CD300C: variants seen among roughly 807,000 people sequenced by gnomAD.
CD300C encodes CD300c molecule.
CD300C carries 11 observed loss-of-function variants against 18.4 expected under a neutral mutation model. The observed-to-expected ratio is 0.60, with a 90% CI of 0.38 to 0.99. The LOEUF is 0.99. CD300C is among the 50% of genes least tolerant of loss of function. CD300C has a pLI of 0.01. For missense variants in CD300C, 277 were observed against 287.4 expected, an observed-to-expected ratio of 0.96 and a Z score of 0.26; for synonymous variants, 116 against 116.3, an observed-to-expected ratio of 1.00 and a Z score of 0.02.
At chr17:74,537,486 G>A (rs1265313643), downstream of CD300C, among the ~76,000 whole-genome samples, 1 of 151,972 alleles carries the variant, frequency 6.6e-6, no homozygotes, top group African/African-American at 2.4e-5. Context: ...AAATTTAGCC[G>A]GACATGGTGG....
chr17:74,536,532 CAA>C (rs376317178), downstream of CD300C, among the ~76,000 whole-genome samples: 10,860 of 109,080 alleles, frequency 0.1, 835 homozygotes, highest in African/African-American at 0.31. Flanking sequence ...GACTCCGTCT[CAA>C]AAAAAAAAAA....
In CD300C at chr17:74,544,621, A is replaced by G. The variant is rs1366173053; in HGVS notation, c.388T>C (p.Ser130Pro). The G allele has an allele frequency of 3.1e-6, 5 of 1,609,700 alleles. No individual in the cohort carries two copies. In the South Asian group the frequency reaches 4.4e-5, roughly 14 times the overall value. The change falls in exon 2 of 4, where the codon TCC becomes CCC. Residue 130 changes from serine to proline, a missense_variant. Ser to Pro is a moderately conservative substitution (Grantham distance 74, BLOSUM62 -1). Coordinates refer to ENST00000330793, the MANE Select transcript of CD300C (RefSeq NM_006678.5). ...FHDPIVEVEV[S>P]VFPAGTTTAS... ...AGGAGGGGCTCACCCGGGAACACGG[A>G]CACCTCAACCTCGACAATGGGATCA... is the stretch of plus-strand genomic sequence containing the variant.
chr17:74,545,614 C>T (rs1221637554), intron 1 of CD300C, 108 bp downstream of exon 1: 3 of 895,134 alleles, frequency 3.4e-6, no homozygotes, highest in African/African-American at 1.7e-5. Context: ...CCCTCCTCCC[C>T]TCTCCCTGCC....
chr17:74,544,336 G>T (rs1285638493), intron 2 of CD300C, among the ~76,000 whole-genome samples: 2 of 152,140 alleles, frequency 1.3e-5, no homozygotes, highest in Non-Finnish European at 2.9e-5. Context: ...GCCCACAGCG[G>T]GGGGTCTCCA....
At chr17:74,536,122 T>C (rs1429647503), downstream of CD300C, among the ~76,000 whole-genome samples, 3 of 152,218 alleles carry the variant, frequency 2.0e-5, no homozygotes, top group East Asian at 5.8e-4. Context: ...GATAATTTTT[T>C]TTTAATTTGG....
downstream of CD300C, among the ~76,000 whole-genome samples, chr17:74,537,733 C>A (rs1409456647): frequency 6.6e-6 from 1 of 151,858 alleles, no homozygotes; most frequent in South Asian, 2.1e-4. Context: ...AAACAACATA[C>A]CCTTTGGAAA....
the CD300C span, among the ~76,000 whole-genome samples, chr17:74,535,711 C>G: frequency 6.6e-6 from 1 of 151,712 alleles, no homozygotes; most frequent in African/African-American, 2.4e-5. Context: ...TTTTTTAGTA[C>G]GTTGACTGGT....
At chr17:74,545,315 T>C (rs1908719633) in intron 1 of CD300C, among the ~76,000 whole-genome samples, 1 of 141,126 alleles carries the variant, frequency 7.1e-6, no homozygotes, top group South Asian at 2.1e-4. Context: ...TGACTGTGTG[T>C]GCATGTGTGA....
chr17:74,535,894 A>C, the CD300C span, among the ~76,000 whole-genome samples: 2 of 152,238 alleles, frequency 1.3e-5, no homozygotes, highest in African/African-American at 4.8e-5. Context: ...GGCAAATTCA[A>C]CATAATAGAG....
chr17:74,539,568 A>G (rs2143130997), downstream of CD300C, among the ~76,000 whole-genome samples: 1 of 152,246 alleles, frequency 6.6e-6, no homozygotes, highest in East Asian at 1.9e-4. Flanking sequence ...CTGCTGTCAC[A>G]GGATGGCACC....
Position 74,545,784 on chromosome 17 carries a change from C to T in CD300C, c.-2G>A. On this transcript the variant is annotated 5_prime_UTR_variant, in exon 1 of 4. Transcript: ENST00000330793. Reference sequence around the variant, plus strand: ...CGAGGCCCAGGCCCTGGCAGTCATTCCTGTAACACGAATGTCACCTGCCAC... The same window carrying T: ...CGAGGCCCAGGCCCTGGCAGTCATTTCTGTAACACGAATGTCACCTGCCAC... 3 of 1,605,954 alleles carry T rather than the reference C, an allele frequency of 1.9e-6. No homozygotes were observed. The highest frequency in any genetic ancestry group is 1.7e-6 in the Non-Finnish European group (2 of 1,176,760).
chr17:74,540,759 T>C (rs1052854966), downstream of CD300C, among the ~76,000 whole-genome samples: 1 of 152,162 alleles, frequency 6.6e-6, no homozygotes, highest in African/African-American at 2.4e-5. Flanking sequence ...TAGCCCTCCA[T>C]CCGTTTCCAA....
downstream of CD300C, among the ~76,000 whole-genome samples, chr17:74,539,207 G>C (rs1455515949): frequency 1.3e-5 from 2 of 152,138 alleles, no homozygotes; most frequent in Non-Finnish European, 2.9e-5. Context: ...AGAGTGACAG[G>C]GGAATCTTGG....
downstream of CD300C, among the ~76,000 whole-genome samples, chr17:74,538,838 A>G (rs903739859): frequency 5.3e-5 from 8 of 152,170 alleles, no homozygotes; most frequent in Non-Finnish European, 1.0e-4. Context: ...GCAAACATCT[A>G]TCTGTAAAAT....
downstream of CD300C, among the ~76,000 whole-genome samples, chr17:74,539,993 C>G (rs1598136484): frequency 6.6e-6 from 1 of 152,220 alleles, no homozygotes; most frequent in African/African-American, 2.4e-5. Flanking sequence ...ATGACTCTCT[C>G]GAGTCTTACC....
At chr17:74,543,969 G>A (rs1027330205) in intron 2 of CD300C, among the ~76,000 whole-genome samples, 1 of 152,176 alleles carries the variant, frequency 6.6e-6, no homozygotes, top group Non-Finnish European at 1.5e-5. Context: ...GGGGCAGGAT[G>A]TGGTTCCCAG....
chr17:74,542,794 T>C, intron 3 of CD300C, 67 bp downstream of exon 3: 3 of 1,530,942 alleles, frequency 2.0e-6, no homozygotes, highest in Non-Finnish European at 2.6e-6. Flanking sequence ...GACATCCGAG[T>C]CCCCTAAACA....
chr17:74,536,765 C>A (rs755776571), downstream of CD300C, among the ~76,000 whole-genome samples: 58 of 152,116 alleles, frequency 3.8e-4, no homozygotes, highest in Admixed American at 2.6e-3. Flanking sequence ...TGATAAGAAG[C>A]AAAAATTGGT....
chr17:74,536,408 C>T (rs1327713189), downstream of CD300C, among the ~76,000 whole-genome samples: 1 of 151,798 alleles, frequency 6.6e-6, no homozygotes. Context: ...TGGTGGGCGC[C>T]TATAATCCCA....
Sources: gnomAD v4.1 joint callset for allele counts (sites outside exome capture counted in the v4.1 genomes callset) on GRCh38, gnomAD v4.1.1 for gene constraint, MANE v1.5 for transcripts, NCBI Gene and HGNC (gene_info 2026-07-23, HGNC 2026-07-21) for gene names.